Variants in CDK17 observed in about 807,000 individuals in gnomAD.
CDK17 encodes cyclin-dependent kinase 17.
In CDK17, 24 loss-of-function variants were observed where a neutral mutation model predicts 77.6. The observed-to-expected ratio is 0.31, with a 90% confidence interval of 0.22 to 0.44. The LOEUF (loss-of-function observed/expected upper bound fraction) is 0.44. Among genes scored for constraint, CDK17 ranks in the 20% least tolerant of loss-of-function variants. CDK17 has a pLI of 1.00. For missense variants in CDK17, 429 were observed against 622.5 expected (o/e 0.69, Z 3.31); for synonymous variants, 203 against 210.4 (o/e 0.96, Z 0.30).
chr12:96,318,216 T>C (rs893085012), intron 3 of CDK17, among the ~76,000 whole-genome samples: 1 of 151,748 alleles, frequency 6.6e-6, no homozygotes, highest in Admixed American at 6.6e-5. Flanking sequence ...CATTACATAA[T>C]GGTAAAGGGA....
At chr12:96,377,038 C>A (rs756310448) in intron 1 of CDK17, among the ~76,000 whole-genome samples, 1 of 152,118 alleles carries the variant, frequency 6.6e-6, no homozygotes, top group African/African-American at 2.4e-5. Flanking sequence ...CTAAGTATTT[C>A]TTTTACTATA....
intron 1 of CDK17, among the ~76,000 whole-genome samples, chr12:96,385,064 A>G (rs987819347): frequency 1.3e-5 from 2 of 151,190 alleles, no homozygotes; most frequent in South Asian, 2.1e-4. Flanking sequence ...CTGTAATGCC[A>G]TAACTTTGGG....
At chr12:96,307,470 T>A (rs1182324966) in intron 5 of CDK17, among the ~76,000 whole-genome samples, 2 of 152,216 alleles carry the variant, frequency 1.3e-5, no homozygotes, top group Admixed American at 6.5e-5. Flanking sequence ...TTACTCCCAA[T>A]TGGAACAAAT....
At chr12:96,350,528 G>GAT (rs771108455) in intron 1 of CDK17, among the ~76,000 whole-genome samples, 7 of 152,014 alleles carry the variant, frequency 4.6e-5, no homozygotes, top group South Asian at 2.1e-4. Flanking sequence ...CATAAGAATA[G>GAT]ATATATATAG....
chr12:96,381,365 CAAAA>C (rs58765838), intron 1 of CDK17, among the ~76,000 whole-genome samples: 12 of 144,248 alleles, frequency 8.3e-5, no homozygotes, highest in Middle Eastern at 3.5e-3. Flanking sequence ...TTTTTTCCTA[CAAAA>C]AAAAAAAAAA....
chr12:96,313,707 T>C (rs1010996732), intron 3 of CDK17, among the ~76,000 whole-genome samples: 1 of 152,186 alleles, frequency 6.6e-6, no homozygotes. Context: ...GGTTGAGTAA[T>C]AAAATTATAA....
In CDK17 at chr12:96,399,980, A is replaced by C; in HGVS notation, c.-30+6T>G. On this transcript the variant is annotated splice_donor_region_variant and intron_variant, in intron 1 of 16. Transcript: ENST00000261211. Reference sequence around the variant, plus strand: ...AGCGCGGCGCGGACGCCAGCCGCCAACTCACCAGCAAGAGCGGGGACCGCG... The same window carrying C: ...AGCGCGGCGCGGACGCCAGCCGCCACCTCACCAGCAAGAGCGGGGACCGCG... 1 of 377,690 alleles carries C rather than the reference A, an allele frequency of 2.6e-6. No homozygotes were observed. Among genetic ancestry groups the C allele is most frequent in the Non-Finnish European group, 4.7e-6 (1 of 212,966 alleles). The allele number at this position is 377,690 out of a possible 1,614,324, so 23.4% of individuals were successfully genotyped here.
chr12:96,325,420 A>AC (rs896985749), intron 2 of CDK17, among the ~76,000 whole-genome samples: 3 of 152,244 alleles, frequency 2.0e-5, no homozygotes, highest in Non-Finnish European at 4.4e-5. Flanking sequence ...GGACAGGTTG[A>AC]CAGGAGTTGG....
chr12:96,299,491 A>G (rs913355401), intron 6 of CDK17, among the ~76,000 whole-genome samples: 1 of 151,102 alleles, frequency 6.6e-6, no homozygotes, highest in African/African-American at 2.4e-5. Context: ...TCCGGTTCCA[A>G]GCGATTCTCC....
intron 1 of CDK17, 46 bp from the exon 2 acceptor site, chr12:96,334,911 C>A: frequency 1.2e-6 from 1 of 801,606 alleles, no homozygotes; most frequent in Non-Finnish European, 2.1e-6. Context: ...AAATATTTTA[C>A]CACTGAAGAA....
intron 1 of CDK17, among the ~76,000 whole-genome samples, chr12:96,387,959 T>G (rs1366186788): frequency 6.6e-6 from 1 of 150,720 alleles, no homozygotes; most frequent in African/African-American, 2.4e-5. Context: ...AAAATAATAA[T>G]AAAATAAAAG....
At chr12:96,341,937 C>A (rs1953128702) in intron 1 of CDK17, among the ~76,000 whole-genome samples, 2 of 152,048 alleles carry the variant, frequency 1.3e-5, no homozygotes, top group African/African-American at 4.8e-5. Context: ...ATTCTTAAAA[C>A]AATTTTTTGT....
chr12:96,351,123 C>T (rs1810013286), intron 1 of CDK17, among the ~76,000 whole-genome samples: 1 of 152,032 alleles, frequency 6.6e-6, no homozygotes, highest in Non-Finnish European at 1.5e-5. Flanking sequence ...CAAACCAAAA[C>T]CACTATGAGA....
Position 96,373,244 on chromosome 12 carries a change from A to G in CDK17, c.-30+26742T>C, listed in dbSNP as rs181452447. On this transcript the variant is annotated intron_variant, in intron 1 of 16. Coordinates refer to ENST00000261211, the MANE Select transcript of CDK17 (RefSeq NM_002595.5). ...TCCTTCATTTAAACACTAGAGAGAC[A>G]GTGAGAAGTATGACACTGAGAAAAC... Among the ~76,000 whole-genome samples the G allele has an allele frequency of 1.4e-4, 21 of 152,344 alleles. No individual in the cohort carries two copies. In the East Asian group the frequency reaches 3.7e-3, roughly 27 times the overall value.
chr12:96,306,163 A>G (rs572866541), intron 5 of CDK17, among the ~76,000 whole-genome samples: 2 of 152,322 alleles, frequency 1.3e-5, no homozygotes, highest in Admixed American at 6.5e-5. Context: ...TATTAGACCC[A>G]TTCAGCCCTA....
intron 1 of CDK17, among the ~76,000 whole-genome samples, chr12:96,380,511 G>A (rs1391052898): frequency 1.3e-5 from 2 of 152,036 alleles, no homozygotes; most frequent in East Asian, 1.9e-4. Flanking sequence ...GACTGGTCTT[G>A]AACTCCTGAC....
At chr12:96,288,201 T>A (rs948458551) in intron 11 of CDK17, among the ~76,000 whole-genome samples, 2 of 152,190 alleles carry the variant, frequency 1.3e-5, no homozygotes, top group African/African-American at 4.8e-5. Context: ...TATTTTACAA[T>A]ATTAAAAATT....
At chr12:96,324,929 T>C (rs1266937285) in intron 2 of CDK17, among the ~76,000 whole-genome samples, 1 of 152,120 alleles carries the variant, frequency 6.6e-6, no homozygotes, top group Non-Finnish European at 1.5e-5. Flanking sequence ...GGCTCCAAGT[T>C]TATTCCCCTG....
chr12:96,389,597 A>C (rs567179662), intron 1 of CDK17, among the ~76,000 whole-genome samples: 2 of 152,272 alleles, frequency 1.3e-5, no homozygotes, highest in South Asian at 4.1e-4. Context: ...CTGAAATGAT[A>C]AATGTTGGTT....
Sources: allele counts gnomAD v4.1 joint callset (sites outside exome capture counted in the v4.1 genomes callset), GRCh38; gene constraint gnomAD v4.1.1; transcripts MANE v1.5; gene names NCBI Gene and HGNC (gene_info 2026-07-23, HGNC 2026-07-21).